Variants in LRP6 observed in about 807,000 individuals in gnomAD.
LRP6 encodes LDL receptor related protein 6.
A neutral mutation model predicts 184.1 loss-of-function variants in LRP6; 43 were observed. That is an observed-to-expected ratio of 0.23 (90% CI 0.18 to 0.30). LRP6 has a LOEUF of 0.30. Ranked by LOEUF, LRP6 falls within the 10% of genes least tolerant of loss-of-function variation. The pLI is 1.00. For missense variants in LRP6, 1,571 were observed against 2,005.3 expected (o/e 0.78, Z 4.14); for synonymous variants, 719 against 684.9 (o/e 1.05, Z -0.78).
chr12:12,248,173 G>A (rs978384223), intron 1 of LRP6, among the ~76,000 whole-genome samples: 1 of 152,124 alleles, frequency 6.6e-6, no homozygotes, highest in Non-Finnish European at 1.5e-5. Context: ...TTTCGGTTCA[G>A]CCTCCTTACC....
chr12:12,236,363 A>AC (rs1443684927), intron 2 of LRP6, among the ~76,000 whole-genome samples: 1 of 152,346 alleles, frequency 6.6e-6, no homozygotes, highest in East Asian at 1.9e-4. Flanking sequence ...TTGGATTACA[A>AC]CCTACAGGAT....
At chr12:12,198,557 C>CA (rs1255952060) in intron 3 of LRP6, among the ~76,000 whole-genome samples, 2 of 89,702 alleles carry the variant, frequency 2.2e-5, no homozygotes, top group East Asian at 3.6e-4. Context: ...TTTTTTGAGA[C>CA]AGAGTTTTGC....
intron 2 of LRP6, 96 bp downstream of exon 2, chr12:12,244,166 G>T (rs527862694): frequency 8.1e-7 from 1 of 1,239,918 alleles, no homozygotes; most frequent in Non-Finnish European, 1.2e-6. Context: ...TCCTGTTTTC[G>T]ATCTTTCTTT....
chr12:12,192,140 T>C (rs1456046135), intron 3 of LRP6, among the ~76,000 whole-genome samples: 1 of 152,026 alleles, frequency 6.6e-6, no homozygotes, highest in Non-Finnish European at 1.5e-5. Flanking sequence ...ATGACAATAA[T>C]AGCAGAAAGG....
intron 3 of LRP6, among the ~76,000 whole-genome samples, chr12:12,201,532 C>T (rs1863913821): frequency 6.6e-6 from 1 of 152,056 alleles, no homozygotes; most frequent in Admixed American, 6.6e-5. Flanking sequence ...GTTAAATCTC[C>T]CTGCTTACTC....
intron 7 of LRP6, among the ~76,000 whole-genome samples, chr12:12,174,785 G>T (rs1430662195): frequency 6.6e-6 from 1 of 152,190 alleles, no homozygotes; most frequent in Non-Finnish European, 1.5e-5. Flanking sequence ...CAAATGCCAA[G>T]TTTTCAGTAC....
intron 2 of LRP6, among the ~76,000 whole-genome samples, chr12:12,227,183 T>C (rs1346793710): frequency 6.6e-6 from 1 of 152,126 alleles, no homozygotes; most frequent in Non-Finnish European, 1.5e-5. Context: ...TAGCCTGGAA[T>C]TCTCTACCCT....
intron 3 of LRP6, 30 bp downstream of exon 3, chr12:12,203,173 A>G: frequency 2.6e-6 from 4 of 1,535,036 alleles, no homozygotes; most frequent in African/African-American, 1.4e-5. Context: ...GAGTTTTCTT[A>G]AAAGTTTTTT....
chr12:12,125,909 C>G (rs1482309748), intron 20 of LRP6, among the ~76,000 whole-genome samples: 3 of 152,128 alleles, frequency 2.0e-5, no homozygotes, highest in African/African-American at 7.2e-5. Context: ...AGAAAAAATT[C>G]TATTTTTTCC....
intron 2 of LRP6, among the ~76,000 whole-genome samples, chr12:12,242,002 T>G (rs1445897953): frequency 6.6e-6 from 1 of 152,228 alleles, no homozygotes; most frequent in Non-Finnish European, 1.5e-5. Flanking sequence ...TCATTAGTTT[T>G]GGGGAACAAA....
chr12:12,202,701 T>C (rs771187824), intron 3 of LRP6, among the ~76,000 whole-genome samples: 1 of 152,230 alleles, frequency 6.6e-6, no homozygotes, highest in Non-Finnish European at 1.5e-5. Context: ...CAGAAAATCT[T>C]GGCCAAACCC....
intron 12 of LRP6, among the ~76,000 whole-genome samples, chr12:12,156,369 T>C (rs1591895360): frequency 2.6e-5 from 4 of 152,098 alleles, no homozygotes; most frequent in South Asian, 2.1e-4. Context: ...AGTGTGGCTG[T>C]AATGAAGAAA....
At position 12,120,035 on chromosome 12, in the gene LRP6, ATATATAT is replaced by A. The variant is rs1565519396; in HGVS notation, c.*1084_*1090del. 16 of 123,816 alleles carry A rather than the reference ATATATAT, an allele frequency of 1.3e-4. No individual in the cohort carries two copies. The highest frequency in any genetic ancestry group is 1.0e-3 in the East Asian group (4 of 3,848). 7.7% of individuals were successfully genotyped at this position (123,816 alleles called of 1,614,324 possible). On this transcript the variant is annotated 3_prime_UTR_variant, in exon 23 of 23. Transcript: ENST00000261349. ...TATATATATATATATATATATATAT[ATATATAT>A]AAATGATTTCGTACTGTGATATATG...
At chr12:12,169,861 A>T (rs1273206772) in intron 7 of LRP6, among the ~76,000 whole-genome samples, 3 of 152,118 alleles carry the variant, frequency 2.0e-5, no homozygotes, top group Non-Finnish European at 4.4e-5. Flanking sequence ...AGATTTTTTT[A>T]AAACCACGTT....
chr12:12,130,210 G>A (rs1353323907), intron 19 of LRP6, among the ~76,000 whole-genome samples: 6 of 147,836 alleles, frequency 4.1e-5, no homozygotes, highest in Non-Finnish European at 5.9e-5. Flanking sequence ...TTTTTGAGAC[G>A]GAGTCTTGCT....
At chr12:12,127,897 T>C (rs1336635339) in intron 19 of LRP6, among the ~76,000 whole-genome samples, 1 of 152,222 alleles carries the variant, frequency 6.6e-6, no homozygotes, top group African/African-American at 2.4e-5. Flanking sequence ...CTAAGTTACA[T>C]AATATGTAGG....
At chr12:12,213,936 A>G (rs1864276343) in intron 2 of LRP6, among the ~76,000 whole-genome samples, 1 of 152,150 alleles carries the variant, frequency 6.6e-6, no homozygotes, top group Admixed American at 6.6e-5. Context: ...TAGTTGATGT[A>G]AGGATTAAAG....
Position 12,149,129 on chromosome 12 carries a change from C to T in LRP6, c.3019G>A (p.Val1007Ile). ...TGTATTTCCAGGTTCTGACTCGGAA[C>T]TGAGCTCACAACCACAGTAAAGCCC... ...SQGFTVVVSS[V>I]PSQNLEIQPY... Residue 1007 changes from valine to isoleucine, a missense_variant, in exon 14 of 23, where the codon GTT becomes ATT. Physicochemically the swap from Val to Ile is conservative, Grantham distance 29 (BLOSUM62 3). Coordinates refer to ENST00000261349, the MANE Select transcript of LRP6 (RefSeq NM_002336.3). 2 of 1,613,926 alleles carry T rather than the reference C, an allele frequency of 1.2e-6. No homozygotes were observed. Among genetic ancestry groups the T allele is most frequent in the Non-Finnish European group, 1.7e-6 (2 of 1,179,956 alleles).
chr12:12,238,904 T>C (rs1864987742), intron 2 of LRP6, among the ~76,000 whole-genome samples: 1 of 152,140 alleles, frequency 6.6e-6, no homozygotes, highest in African/African-American at 2.4e-5. Flanking sequence ...CCATGTTCAA[T>C]TTTTTAAAGT....
Sources: allele counts gnomAD v4.1 joint callset (sites outside exome capture counted in the v4.1 genomes callset), GRCh38; gene constraint gnomAD v4.1.1; transcripts MANE v1.5; gene names NCBI Gene and HGNC (gene_info 2026-07-23, HGNC 2026-07-21).